Variants in PPP2R3A observed in about 807,000 individuals in gnomAD.
PPP2R3A encodes protein phosphatase 2 regulatory subunit B''alpha, also known as serine/threonine-protein phosphatase 2A regulatory subunit B'' subunit alpha.
In PPP2R3A, 80 loss-of-function variants were observed where a neutral mutation model predicts 106.9. That is an observed-to-expected ratio of 0.75 (90% confidence interval 0.62 to 0.90). The LOEUF (loss-of-function observed/expected upper bound fraction) is 0.90. PPP2R3A is among the 40% of genes least tolerant of loss of function. PPP2R3A has a pLI of 0.00. For missense variants in PPP2R3A, 1,386 were observed against 1,350.4 expected (o/e 1.03, Z -0.41); for synonymous variants, 483 against 468.3 (o/e 1.03, Z -0.41).
In PPP2R3A at chr3:136,144,083, A is replaced by C. The variant is rs139723326; in HGVS notation, c.3330-960A>C. Reference sequence around the variant, plus strand: ...ATATTTATCAATATTTCAGGCAGCCACATCATTTCCAAGAGAAAATATTTC... The same window carrying C: ...ATATTTATCAATATTTCAGGCAGCCCCATCATTTCCAAGAGAAAATATTTC... On this transcript the variant is annotated intron_variant, in intron 13 of 13. Coordinates refer to ENST00000264977, the MANE Select transcript of PPP2R3A (RefSeq NM_002718.5). Among the ~76,000 whole-genome samples, 37 of 152,338 alleles carry C rather than the reference A, an allele frequency of 2.4e-4. No individual in the cohort carries two copies. The East Asian group carries it at 6.0e-3, about 25-fold the overall frequency.
At chr3:136,051,379 G>A (rs1268735841) in intron 5 of PPP2R3A, among the ~76,000 whole-genome samples, 1 of 152,190 alleles carries the variant, frequency 6.6e-6, no homozygotes, top group African/African-American at 2.4e-5. Flanking sequence ...GCCCAGGCTG[G>A]AGTGCAATGG....
At chr3:136,136,913 CA>C (rs1938643618) in intron 13 of PPP2R3A, among the ~76,000 whole-genome samples, 1 of 152,112 alleles carries the variant, frequency 6.6e-6, no homozygotes, top group African/African-American at 2.4e-5. Flanking sequence ...GAAGCAAGAC[CA>C]AAGCTTCCGT....
At chr3:136,065,098 G>A (rs147229422) in intron 5 of PPP2R3A, among the ~76,000 whole-genome samples, 1 of 151,998 alleles carries the variant, frequency 6.6e-6, no homozygotes, top group Non-Finnish European at 1.5e-5. Flanking sequence ...AAAATTAGAT[G>A]GATAAATACA....
At chr3:136,121,841 C>T (rs1197720232) in intron 13 of PPP2R3A, among the ~76,000 whole-genome samples, 3 of 151,842 alleles carry the variant, frequency 2.0e-5, no homozygotes, top group Admixed American at 1.3e-4. Flanking sequence ...ACTGTAATTC[C>T]AAATCTCAAC....
chr3:136,129,041 C>T (rs546052629), intron 13 of PPP2R3A, among the ~76,000 whole-genome samples: 11 of 152,198 alleles, frequency 7.2e-5, no homozygotes, highest in South Asian at 4.1e-4. Flanking sequence ...AAATTTATAG[C>T]GCTAAATGCC....
At chr3:136,115,214 G>A (rs1343456211) in intron 13 of PPP2R3A, among the ~76,000 whole-genome samples, 2 of 152,114 alleles carry the variant, frequency 1.3e-5, no homozygotes, top group South Asian at 2.1e-4. Context: ...GAAAAGAATA[G>A]CATGTCTACT....
In PPP2R3A at chr3:136,147,466, A is replaced by C. The variant is rs1251761479; in HGVS notation, c.*2300A>C. On this transcript the variant is annotated 3_prime_UTR_variant, in exon 14 of 14. Transcript: ENST00000264977. ...TATCACATTTTCAGGAATTATAAGAATGTGTTTTATTGTACTCCTTCCTTG... is the reference window on the plus strand; with the variant it reads ...TATCACATTTTCAGGAATTATAAGACTGTGTTTTATTGTACTCCTTCCTTG... 1 of 152,638 alleles carries C rather than the reference A, an allele frequency of 6.6e-6. No individual in the cohort carries two copies. 9.5% of individuals were successfully genotyped at this position (152,638 alleles called of 1,614,324 possible). A position where few individuals can be genotyped will look rare whatever the true frequency, so the allele number is the denominator to read the frequency against.
intron 10 of PPP2R3A, among the ~76,000 whole-genome samples, chr3:136,095,135 G>GTT (rs200773773): frequency 1.3e-5 from 2 of 149,796 alleles, no homozygotes; most frequent in African/African-American, 4.9e-5. Flanking sequence ...TCTTTGAACT[G>GTT]TTTTTTTTTT....
Position 136,085,953 on chromosome 3 carries a change from TGTCTTTC to T in PPP2R3A, c.2789-1929_2789-1923del, listed in dbSNP as rs541269212. Among the ~76,000 whole-genome samples, 85 of 151,552 alleles carry T rather than the reference TGTCTTTC, an allele frequency of 5.6e-4. 1 individual carries two copies. The South Asian group carries it at 7.1e-3, about 13-fold the overall frequency. ...AATACAAAAATTAAAAATTAAAAAATGTCTTTCAAATGACAAAAATACAAATATTAGT... is the reference window on the plus strand; with the variant it reads ...AATACAAAAATTAAAAATTAAAAAATAAATGACAAAAATACAAATATTAGT... On this transcript the variant is annotated intron_variant, in intron 8 of 13. Coordinates refer to ENST00000264977, the MANE Select transcript of PPP2R3A (RefSeq NM_002718.5).
chr3:136,146,845 TATTTC>T lies in PPP2R3A; in HGVS notation c.*1686_*1690del, dbSNP rs1939146242. On this transcript the variant is annotated 3_prime_UTR_variant, in exon 14 of 14. Coordinates refer to ENST00000264977, the MANE Select transcript of PPP2R3A (RefSeq NM_002718.5). Reference sequence around the variant, plus strand: ...GCCTTTACCAGGGAAGAAAAGCAATTATTTCATTTCAGATAGAAATACAAAAAAAA... The same window carrying T: ...GCCTTTACCAGGGAAGAAAAGCAATTATTTCAGATAGAAATACAAAAAAAA... The T allele has an allele frequency of 6.6e-6, 1 of 151,452 alleles. No individual in the cohort carries two copies. Among genetic ancestry groups the T allele is most frequent in the Non-Finnish European group, 1.5e-5 (1 of 67,886 alleles). The allele number at this position is 151,452 out of a possible 1,614,324, so 9.4% of individuals were successfully genotyped here. A position where few individuals can be genotyped will look rare whatever the true frequency, so the allele number is the denominator to read the frequency against.
intron 5 of PPP2R3A, among the ~76,000 whole-genome samples, chr3:136,058,244 C>T (rs765152669): frequency 6.6e-6 from 1 of 152,036 alleles, no homozygotes; most frequent in South Asian, 2.1e-4. Context: ...TGTTGGGAGA[C>T]GACATGATCC....
chr3:136,084,326 C>G (rs1936866822), intron 8 of PPP2R3A, among the ~76,000 whole-genome samples: 1 of 152,200 alleles, frequency 6.6e-6, no homozygotes, highest in Admixed American at 6.5e-5. Context: ...AAACCCCAGC[C>G]CTTGGTGGCG....
intron 9 of PPP2R3A, among the ~76,000 whole-genome samples, chr3:136,090,227 G>A (rs1430192553): frequency 6.6e-6 from 1 of 152,114 alleles, no homozygotes; most frequent in African/African-American, 2.4e-5. Context: ...TATAATGCTA[G>A]CTATGTGTTT....
intron 13 of PPP2R3A, among the ~76,000 whole-genome samples, chr3:136,141,202 G>A (rs1938859942): frequency 6.6e-6 from 1 of 152,170 alleles, no homozygotes; most frequent in Non-Finnish European, 1.5e-5. Context: ...TGCAACTTAT[G>A]GTGCTGAGGG....
intron 2 of PPP2R3A, among the ~76,000 whole-genome samples, chr3:136,011,729 T>A (rs191989040): frequency 2.6e-5 from 4 of 152,290 alleles, no homozygotes. Context: ...TCCCTTGAGA[T>A]TGCCAGCAAA....
intron 5 of PPP2R3A, among the ~76,000 whole-genome samples, chr3:136,054,814 A>C (rs188384816): frequency 6.6e-6 from 1 of 152,328 alleles, no homozygotes; most frequent in Non-Finnish European, 1.5e-5. Context: ...GCCATTGGTC[A>C]GAATGCCATG....
At chr3:136,106,560 C>T (rs569662871) in intron 13 of PPP2R3A, 1 of 504,218 alleles carries the variant, frequency 2.0e-6, no homozygotes, top group African/African-American at 2.0e-5. Context: ...AAACCGAGAT[C>T]ACTGAACAAT....
chr3:136,001,128 C>T lies in PPP2R3A; in HGVS notation c.-371C>T, dbSNP rs1381331211. The T allele has an allele frequency of 7.4e-6, 3 of 403,392 alleles. No individual in the cohort carries two copies. The highest frequency in any genetic ancestry group is 1.3e-5 in the Non-Finnish European group (3 of 229,480). 25.0% of individuals were successfully genotyped at this position (403,392 alleles called of 1,614,324 possible). A position where few individuals can be genotyped will look rare whatever the true frequency, so the allele number is the denominator to read the frequency against. ...AGGACTCAGTTATCACAATACTTCT[C>T]TACTACCAACTAAGATTTATGATAG... On this transcript the variant is annotated 5_prime_UTR_variant, in exon 2 of 14. Coordinates refer to ENST00000264977, the MANE Select transcript of PPP2R3A (RefSeq NM_002718.5).
rs1039796688 is a variant in PPP2R3A at position 136,040,936 on chromosome 3, A to C, written c.2340A>C (p.Ala780=). ...GAGAGAAGACAGGATTTGTGACAGCACAGTCATTCATTGCCATGTGGAGAA... is the reference window on the plus strand; with the variant it reads ...GAGAGAAGACAGGATTTGTGACAGCCCAGTCATTCATTGCCATGTGGAGAA... ...AGGEKTGFVT[A]QSFIAMWRKL... is the part of the protein sequence containing the mutation. The change falls in exon 4 of 14, where the codon GCA becomes GCC. Residue 780 remains alanine (A), a synonymous_variant. Coordinates refer to ENST00000264977, the MANE Select transcript of PPP2R3A (RefSeq NM_002718.5). 6.2e-7 allele frequency: 1 copy of C among 1,613,518 alleles called. No homozygotes were observed. The highest frequency in any genetic ancestry group is 8.5e-7 in the Non-Finnish European group (1 of 1,179,810).
Sources: allele counts gnomAD v4.1 joint callset (sites outside exome capture counted in the v4.1 genomes callset), GRCh38; gene constraint gnomAD v4.1.1; transcripts MANE v1.5; gene names NCBI Gene and HGNC (gene_info 2026-07-23, HGNC 2026-07-21).